Variants in TFEB observed in about 807,000 individuals in gnomAD.
TFEB encodes T-cell transcription factor EB.
Under a neutral mutation model 48.0 loss-of-function variants are expected in TFEB, and 12 were observed. The observed-to-expected ratio is 0.25, with a 90% CI of 0.16 to 0.40. The LOEUF (loss-of-function observed/expected upper bound fraction) is 0.40, where lower values mean the gene tolerates loss of function less well. Ranked by LOEUF, TFEB falls within the 10% of genes least tolerant of loss-of-function variation. TFEB has a pLI of 1.00. For missense variants in TFEB, 509 were observed against 640.3 expected (o/e 0.79, Z 2.21); for synonymous variants, 244 against 261.4 (o/e 0.93, Z 0.64).
At position 41,691,481 on chromosome 6, in the gene TFEB, T is replaced by TAAATCCC. The variant is rs1769315102; in HGVS notation, c.-22-253_-22-247dup. On this transcript the variant is annotated intron_variant, in intron 1 of 8. Coordinates refer to ENST00000373033, the MANE Select transcript of TFEB (RefSeq NM_001271944.2). The surrounding 1 kb of genome is among the most constrained non-coding windows in gnomAD (Gnocchi z 5.2). ...TGTCTTCTTCACTCATTGCAGTTGG[T>TAAATCCC]AAATCCCAAACTCTAAGAGTCAACT... 1 of 690,998 alleles carries TAAATCCC rather than the reference T, an allele frequency of 1.4e-6. No individual in the cohort carries two copies. Among genetic ancestry groups the TAAATCCC allele is most frequent in the African/African-American group, 1.8e-5 (1 of 56,504 alleles). 42.8% of individuals were successfully genotyped at this position (690,998 alleles called of 1,614,324 possible). A position where few individuals can be genotyped will look rare whatever the true frequency, so the allele number is the denominator to read the frequency against.
intron 1 of TFEB, among the ~76,000 whole-genome samples, chr6:41,726,153 T>C (rs1323726409): frequency 6.6e-6 from 1 of 152,124 alleles, no homozygotes; most frequent in East Asian, 1.9e-4. Flanking sequence ...ATTAACAGAC[T>C]ACGGCTATAC....
intron 1 of TFEB, among the ~76,000 whole-genome samples, chr6:41,731,498 T>A (rs114385359): frequency 0.041 from 6,256 of 152,214 alleles, 187 homozygotes; most frequent in Middle Eastern, 0.12. Context: ...TGCTTTCTCT[T>A]CCTTTTTCTT....
rs1000228983 is a variant in TFEB, at chr6:41,723,696, G to A, written c.-23+11654C>T. Reference sequence around the variant, plus strand: ...AGCACAGAGGGAACTGCGCCCCGACGGCACAGTCCCACACCGCAGCCTACC... The same window carrying A: ...AGCACAGAGGGAACTGCGCCCCGACAGCACAGTCCCACACCGCAGCCTACC... On this transcript the variant is annotated intron_variant, in intron 1 of 8. Coordinates refer to ENST00000373033, the MANE Select transcript of TFEB (RefSeq NM_001271944.2). The surrounding 1 kb of genome is among the most constrained non-coding windows in gnomAD (Gnocchi z 6.0). The A allele has an allele frequency of 7.7e-5, 34 of 443,138 alleles. No homozygotes were observed. The highest frequency in any genetic ancestry group is 4.3e-4 in the South Asian group (22 of 50,704). 27.5% of individuals were successfully genotyped at this position (443,138 alleles called of 1,614,324 possible). A position where few individuals can be genotyped will look rare whatever the true frequency, so the allele number is the denominator to read the frequency against.
chr6:41,697,352 G>T (rs1482586119), intron 1 of TFEB, among the ~76,000 whole-genome samples: 4 of 125,848 alleles, frequency 3.2e-5, no homozygotes, highest in Non-Finnish European at 4.7e-5. Context: ...AGGTTGCAGT[G>T]AACTGAGATC....
intron 1 of TFEB, among the ~76,000 whole-genome samples, chr6:41,712,273 G>A (rs1407147725): frequency 1.3e-5 from 2 of 152,130 alleles, no homozygotes; most frequent in Non-Finnish European, 2.9e-5. Flanking sequence ...AGATCCTACC[G>A]TCTCAGGGTC....
chr6:41,723,423 G>T lies in TFEB; in HGVS notation c.-23+11927C>A. On this transcript the variant is annotated intron_variant, in intron 1 of 8. Transcript: ENST00000373033. The surrounding 1 kb of genome is among the most constrained non-coding windows in gnomAD (Gnocchi z 6.0). Reference sequence around the variant, plus strand: ...CATTCACACACATGCTCACACACATGCACACACTCACACACATGCACGCGT... The same window carrying T: ...CATTCACACACATGCTCACACACATTCACACACTCACACACATGCACGCGT... The T allele has an allele frequency of 1.7e-6, 2 of 1,185,740 alleles. No homozygotes were observed. Among genetic ancestry groups the T allele is most frequent in the Non-Finnish European group, 2.2e-6 (2 of 895,472 alleles). 73.5% of individuals were successfully genotyped at this position (1,185,740 alleles called of 1,614,324 possible). A position where few individuals can be genotyped will look rare whatever the true frequency, so the allele number is the denominator to read the frequency against.
Position 41,724,629 on chromosome 6 carries a change from C to T in TFEB, c.-23+10721G>A, listed in dbSNP as rs560745997. ...AGGACCTCTGGCTCCCGCCCCTTGCCGCCCGAGACCTGCAATGGGGCCTCA... is the reference window on the plus strand; with the variant it reads ...AGGACCTCTGGCTCCCGCCCCTTGCTGCCCGAGACCTGCAATGGGGCCTCA... On this transcript the variant is annotated intron_variant, in intron 1 of 8. Coordinates refer to ENST00000373033, the MANE Select transcript of TFEB (RefSeq NM_001271944.2). The surrounding 1 kb of genome is among the most constrained non-coding windows in gnomAD (Gnocchi z 4.4). Among the ~76,000 whole-genome samples, 6 of 152,160 alleles carry T rather than the reference C, an allele frequency of 3.9e-5. No homozygotes were observed. Among genetic ancestry groups the T allele is most frequent in the Admixed American group, 6.5e-5 (1 of 15,278 alleles).
intron 1 of TFEB, among the ~76,000 whole-genome samples, chr6:41,702,903 G>A (rs1195765223): frequency 6.6e-6 from 1 of 152,236 alleles, no homozygotes. Context: ...AACATGCAGA[G>A]GCTGTGTGGG....
intron 1 of TFEB, among the ~76,000 whole-genome samples, chr6:41,713,956 T>A (rs1360152761): frequency 2.0e-5 from 3 of 152,154 alleles, no homozygotes; most frequent in Non-Finnish European, 2.9e-5. Flanking sequence ...CCCCCCAGCC[T>A]GAGCTAGAGT....
chr6:41,735,372 C>T lies in TFEB; in HGVS notation c.-45G>A. On this transcript the variant is annotated 5_prime_UTR_variant, in exon 1 of 9. Transcript: ENST00000373033. ...CACCTCGCTCTGAAGGTCAATCTGT[C>T]CGCCGCCCGCGCCCCGCGGCTCCGG... The T allele has an allele frequency of 2.0e-6, 2 of 985,662 alleles. No individual in the cohort carries two copies. Among genetic ancestry groups the T allele is most frequent in the Non-Finnish European group, 1.2e-6 (1 of 830,444 alleles). The allele number at this position is 985,662 out of a possible 1,614,324, so 61.1% of individuals were successfully genotyped here. A position where few individuals can be genotyped will look rare whatever the true frequency, so the allele number is the denominator to read the frequency against.
intron 1 of TFEB, among the ~76,000 whole-genome samples, chr6:41,704,749 A>G (rs1770117272): frequency 6.6e-6 from 1 of 152,194 alleles, no homozygotes; most frequent in Non-Finnish European, 1.5e-5. Flanking sequence ...AGAACACAGC[A>G]GGGAAGCACA....
At chr6:41,735,998 T>C (rs1352198414), upstream of TFEB, 5 of 967,116 alleles carry the variant, frequency 5.2e-6, no homozygotes, top group Non-Finnish European at 6.5e-6. Flanking sequence ...TCTTCAGGAG[T>C]AGGGTGCAGG....
Position 41,723,657 on chromosome 6 carries a change from C to G in TFEB, c.-23+11693G>C, listed in dbSNP as rs544446883. 134 of 722,850 alleles carry G rather than the reference C, an allele frequency of 1.9e-4. 3 individuals carry two copies. The South Asian group carries it at 2.2e-3, about 12-fold the overall frequency. 44.8% of individuals were successfully genotyped at this position (722,850 alleles called of 1,614,324 possible). ...ATCCCCTGGGAGCTGCAAATGCGGC[C>G]GAGGATTACTCACAGCACAGAGGGA... On this transcript the variant is annotated intron_variant, in intron 1 of 8. Transcript: ENST00000373033. The surrounding 1 kb of genome is among the most constrained non-coding windows in gnomAD (Gnocchi z 6.0).
chr6:41,691,102 G>T lies in TFEB; in HGVS notation c.112C>A (p.Gln38Lys), dbSNP rs930729175. 3 of 1,579,844 alleles carry T rather than the reference G, an allele frequency of 1.9e-6. No individual in the cohort carries two copies. Among genetic ancestry groups the T allele is most frequent in the African/African-American group, 1.3e-5 (1 of 74,152 alleles). The part of the protein sequence containing the change: ...QAVMHYMQQQ[Q>K]QQQQQQLGGP... ...CCGAGCTGCTGCTGTTGCTGCTGCTGCTGCTGCTGCATGTAATGCATGACA... is the reference window on the plus strand; with the variant it reads ...CCGAGCTGCTGCTGTTGCTGCTGCTTCTGCTGCTGCATGTAATGCATGACA... Residue 38 changes from glutamine to lysine, a missense_variant, in exon 2 of 9, where the codon CAG (glutamine) becomes AAG (lysine). Gln to Lys is a moderately conservative substitution (Grantham distance 53, BLOSUM62 1). Around this residue, in one of 4 missense-constraint regions of TFEB, gnomAD observed 251 missense variants for 317.2 expected, o/e 0.79. Coordinates refer to ENST00000373033, the MANE Select transcript of TFEB (RefSeq NM_001271944.2). This position sits in a 1 kb window ranked among gnomAD's most constrained non-coding sequence, Gnocchi z 5.2.
chr6:41,721,094 G>A (rs555016614), intron 1 of TFEB, among the ~76,000 whole-genome samples: 67 of 152,052 alleles, frequency 4.4e-4, no homozygotes, highest in Non-Finnish European at 8.8e-4. Context: ...CTGACACAGG[G>A]TCATCACCCA....
At chr6:41,717,199 G>C (rs540534276) in intron 1 of TFEB, among the ~76,000 whole-genome samples, 1 of 152,238 alleles carries the variant, frequency 6.6e-6, no homozygotes, top group African/African-American at 2.4e-5. Context: ...CAGCTAGACC[G>C]GCCCACTTCA....
At chr6:41,699,638 GT>G (rs1345833710) in intron 1 of TFEB, among the ~76,000 whole-genome samples, 1 of 152,240 alleles carries the variant, frequency 6.6e-6, no homozygotes, top group Non-Finnish European at 1.5e-5. Context: ...GGGATAAGTA[GT>G]CGGAGTGTTT....
At chr6:41,701,155 A>C (rs77322908) in intron 1 of TFEB, among the ~76,000 whole-genome samples, 4,725 of 152,294 alleles carry the variant, frequency 0.031, 137 homozygotes, top group East Asian at 0.083. Flanking sequence ...ACACATGCAC[A>C]CATGTCCATG....
rs945978702 is a variant in TFEB, at chr6:41,734,290, C to T, written c.-23+1060G>A. ...CGGGGTTCGCGCAGACAAGCCCCGC[C>T]CCGGGCTCCCTCCCTTCCTCACCCG... On this transcript the variant is annotated intron_variant, in intron 1 of 8. Transcript: ENST00000373033. The surrounding 1 kb of genome is among the most constrained non-coding windows in gnomAD (Gnocchi z 4.0). The T allele has an allele frequency of 2.1e-6, 2 of 964,398 alleles. No homozygotes were observed. Among genetic ancestry groups the T allele is most frequent in the Non-Finnish European group, 2.5e-6 (2 of 810,970 alleles). The allele number at this position is 964,398 out of a possible 1,614,324, so 59.7% of individuals were successfully genotyped here.
Sources: gnomAD v4.1 joint callset for allele counts (sites outside exome capture counted in the v4.1 genomes callset) on GRCh38, gnomAD v4.1.1 for gene constraint, gnomAD v4.1.1 regional missense constraint, Gnocchi (gnomAD v3.1) non-coding constraint, MANE v1.5 for transcripts, NCBI Gene and HGNC (gene_info 2026-07-23, HGNC 2026-07-21) for gene names.